Variants in PECAM1 observed in about 807,000 individuals in gnomAD.
PECAM1 encodes platelet and endothelial cell adhesion molecule 1, also known as platelet endothelial cell adhesion molecule.
A neutral mutation model predicts 13.8 loss-of-function variants in PECAM1; 8 were observed. That is an observed-to-expected ratio of 0.58 (90% CI 0.34 to 1.05). The LOEUF is 1.05. PECAM1 is among the 50% of genes least tolerant of loss of function. PECAM1 has a pLI of 0.03. For synonymous variants in PECAM1, 136 were observed against 52.6 expected (o/e 2.58, Z -6.86); for missense variants, 304 against 141.2 (o/e 2.15, Z -5.84).
rs2035746676 is a variant in PECAM1, at chr17:64,352,401, T to C, written c.1979A>G (p.Asn660Ser). The C allele has an allele frequency of 4.2e-6, 2 of 475,158 alleles. No individual in the cohort carries two copies. The highest frequency in any genetic ancestry group is 7.7e-6 in the Non-Finnish European group (2 of 259,008). 29.4% of individuals were successfully genotyped at this position (475,158 alleles called of 1,614,324 possible). A position where few individuals can be genotyped will look rare whatever the true frequency, so the allele number is the denominator to read the frequency against. Residue 660 changes from asparagine to serine, a missense_variant, in exon 11 of 16, where the codon AAC becomes AGC. By Grantham distance (46) the Asn-to-Ser change is conservative. Coordinates refer to ENST00000563924, the MANE Select transcript of PECAM1 (RefSeq NM_000442.5). ...EKMSDPNMEA[N>S]SHYGHNDDVR... ...GAACATGACTTTACCGTAATGACTG[T>C]TAGCTTCCATATTGGGATCTGACAT... is the stretch of plus-strand genomic sequence containing the variant.
At chr17:64,374,186 C>A (rs2036304804) in intron 4 of PECAM1, among the ~76,000 whole-genome samples, 1 of 152,138 alleles carries the variant, frequency 6.6e-6, no homozygotes, top group Admixed American at 6.6e-5. Flanking sequence ...TGTGTCATGG[C>A]CAGTGTTTAA....
At chr17:64,352,304 C>T in intron 11 of PECAM1, 86 bp downstream of exon 11, 2 of 435,594 alleles carry the variant, frequency 4.6e-6, no homozygotes, top group East Asian at 6.6e-5. Context: ...GTAATCCCAC[C>T]ACTTACATAT....
chr17:64,329,779 C>T lies in PECAM1; in HGVS notation c.2165-57G>A, dbSNP rs5005692. The T allele has an allele frequency of 0.024, 17,733 of 744,190 alleles. 2,204 individuals are homozygous for T. The African/African-American group carries it at 0.27, about 11-fold the overall frequency. 46.1% of individuals were successfully genotyped at this position (744,190 alleles called of 1,614,324 possible). On this transcript the variant is annotated intron_variant, in intron 14 of 15. Coordinates refer to ENST00000563924, the MANE Select transcript of PECAM1 (RefSeq NM_000442.5). ...AACGCAAATAACCCAGTTCAACTGC[C>T]CCAACAACATCACAGGGTCAGGAGC...
intron 7 of PECAM1, among the ~76,000 whole-genome samples, chr17:64,358,111 CTTTTTTTTTT>C (rs141671796): frequency 4.2e-5 from 3 of 71,552 alleles, no homozygotes; most frequent in South Asian, 1.5e-3. Context: ...TGGCCACAGT[CTTTTTTTTTT>C]TTTTTTTTTT....
rs1331206301 is a variant in PECAM1, at chr17:64,338,915, T to A, written c.2164+2719A>T. Among the ~76,000 whole-genome samples, 4 of 152,210 alleles carry A rather than the reference T, an allele frequency of 2.6e-5. No individual in the cohort carries two copies. In the East Asian group the frequency reaches 7.7e-4, roughly 29 times the overall value. Reference sequence around the variant, plus strand: ...ACCCCTTTGAGTTACTCATCATTGATGTTTCTCCTGTGTGATTTGCGTTAT... The same window carrying A: ...ACCCCTTTGAGTTACTCATCATTGAAGTTTCTCCTGTGTGATTTGCGTTAT... On this transcript the variant is annotated intron_variant, in intron 14 of 15. Transcript: ENST00000563924.
At chr17:64,369,055 G>A (rs1414842095) in intron 5 of PECAM1, among the ~76,000 whole-genome samples, 2 of 143,620 alleles carry the variant, frequency 1.4e-5, no homozygotes, top group African/African-American at 2.5e-5. Flanking sequence ...TTGTGCCTCA[G>A]CCTCCCGAGT....
At chr17:64,344,858 C>T (rs1033795838) in intron 13 of PECAM1, among the ~76,000 whole-genome samples, 48 of 152,178 alleles carry the variant, frequency 3.2e-4, no homozygotes, top group African/African-American at 9.6e-4. Context: ...ACCCTCTTTA[C>T]GGGTCTACCT....
At chr17:64,358,800 A>AT (rs1196401910) in intron 7 of PECAM1, among the ~76,000 whole-genome samples, 5,234 of 144,248 alleles carry the variant, frequency 0.036, 202 homozygotes, top group African/African-American at 0.099. Flanking sequence ...GTTAATGTTA[A>AT]TTTTTTTTTT....
chr17:64,332,923 C>T (rs1223316259), intron 14 of PECAM1, among the ~76,000 whole-genome samples: 1 of 152,124 alleles, frequency 6.6e-6, no homozygotes, highest in South Asian at 2.1e-4. Flanking sequence ...GAGACCAAGG[C>T]CGGTGGATCA....
rs963986944 is a variant in PECAM1, at chr17:64,356,266, C to T, written c.1625G>A (p.Gly542Asp). ...TGAGGTCATTTGATAGAAGGGTTTGCCCTCTTTTTCTCTGTAAAACTTATA... is the reference window on the plus strand; with the variant it reads ...TGAGGTCATTTGATAGAAGGGTTTGTCCTCTTTTTCTCTGTAAAACTTATA... The part of the protein sequence containing the change: ...ITYKFYREKE[G>D]KPFYQMTSNA... The change falls in exon 8 of 16, where the codon GGC becomes GAC. Residue 542 changes from glycine to aspartate, a missense_variant. Transcript: ENST00000563924. 1.7e-5 allele frequency: 8 copies of T among 474,778 alleles called. No homozygotes were observed. The highest frequency in any genetic ancestry group is 3.1e-5 in the East Asian group (1 of 32,012). 29.4% of individuals were successfully genotyped at this position (474,778 alleles called of 1,614,324 possible).
At chr17:64,328,978 A>G (rs1458784861) in intron 15 of PECAM1, among the ~76,000 whole-genome samples, 3 of 152,046 alleles carry the variant, frequency 2.0e-5, no homozygotes, top group Non-Finnish European at 2.9e-5. Context: ...AGGCATGTAA[A>G]TCCTTTGGAT....
intron 9 of PECAM1, 59 bp downstream of exon 9, chr17:64,354,874 C>G (rs2035813502): frequency 2.1e-6 from 1 of 472,756 alleles, no homozygotes; most frequent in Non-Finnish European, 3.9e-6. Context: ...ACCACGCATC[C>G]CTGGCTGGTT....
Position 64,322,017 on chromosome 17 carries a change from G to A in PECAM1, c.*1799C>T, listed in dbSNP as rs1426653118. 2.5e-6 allele frequency: 3 copies of A among 1,221,338 alleles called. No homozygotes were observed. The South Asian group carries it at 4.2e-5, about 17-fold the overall frequency. The allele number at this position is 1,221,338 out of a possible 1,614,324, so 75.7% of individuals were successfully genotyped here. A position where few individuals can be genotyped will look rare whatever the true frequency, so the allele number is the denominator to read the frequency against. ...AACCTGGAAATTGTATGACATTTTCGTGATACAACTCGGTGTGTGTGTGTT... is the reference window on the plus strand; with the variant it reads ...AACCTGGAAATTGTATGACATTTTCATGATACAACTCGGTGTGTGTGTGTT... On this transcript the variant is annotated 3_prime_UTR_variant, in exon 16 of 16. Coordinates refer to ENST00000563924, the MANE Select transcript of PECAM1 (RefSeq NM_000442.5).
intron 2 of PECAM1, among the ~76,000 whole-genome samples, chr17:64,388,181 G>A (rs2036639569): frequency 6.6e-6 from 1 of 152,140 alleles, no homozygotes; most frequent in Non-Finnish European, 1.5e-5. Context: ...ACTTCCATGT[G>A]GTGTGGAGGG....
chr17:64,375,354 C>T lies in PECAM1; in HGVS notation c.388G>A (p.Val130Met). 2.1e-6 allele frequency: 1 copy of T among 468,412 alleles called. No individual in the cohort carries two copies. 29.0% of individuals were successfully genotyped at this position (468,412 alleles called of 1,614,324 possible). A position where few individuals can be genotyped will look rare whatever the true frequency, so the allele number is the denominator to read the frequency against. ...TAEYQVLVEGVPSPRVTLDKK... is the reference protein window; with the variant it reads ...TAEYQVLVEGMPSPRVTLDKK... ...TCCAGTGTCACCCTGGGACTGGGCA[C>T]TCCTACGGGGAAAGAGAAAGTCTGT... Residue 130 changes from valine to methionine, a missense_variant and splice_region_variant, in exon 4 of 16, where the codon GTG becomes ATG. Coordinates refer to ENST00000563924, the MANE Select transcript of PECAM1 (RefSeq NM_000442.5).
chr17:64,381,688 G>A (rs938456954), intron 2 of PECAM1, among the ~76,000 whole-genome samples: 7 of 152,170 alleles, frequency 4.6e-5, no homozygotes, highest in Admixed American at 1.3e-4. Context: ...ACAAGGTGAC[G>A]GTTTAAATTC....
Position 64,341,615 on chromosome 17 carries a change from A to G in PECAM1, c.2164+19T>C, listed in dbSNP as rs2143732864. Reference sequence around the variant, plus strand: ...TAGGGGGCATCCCCCAGGCTGGGGCACTGGAGACCCTCACTCACCAGGGAC... The same window carrying G: ...TAGGGGGCATCCCCCAGGCTGGGGCGCTGGAGACCCTCACTCACCAGGGAC... On this transcript the variant is annotated intron_variant, in intron 14 of 15. Transcript: ENST00000563924. 13 of 447,014 alleles carry G rather than the reference A, an allele frequency of 2.9e-5. No individual in the cohort carries two copies. In the East Asian group the frequency reaches 4.2e-4, roughly 15 times the overall value. 27.7% of individuals were successfully genotyped at this position (447,014 alleles called of 1,614,324 possible). A position where few individuals can be genotyped will look rare whatever the true frequency, so the allele number is the denominator to read the frequency against.
At chr17:64,333,933 G>C (rs1347313875) in intron 14 of PECAM1, among the ~76,000 whole-genome samples, 2 of 95,434 alleles carry the variant, frequency 2.1e-5, no homozygotes, top group Non-Finnish European at 3.9e-5. Context: ...GACAGAGAGA[G>C]ACCCTGTCTC....
At chr17:64,379,492 C>A (rs995175554) in intron 2 of PECAM1, among the ~76,000 whole-genome samples, 103 of 152,280 alleles carry the variant, frequency 6.8e-4, no homozygotes, top group Admixed American at 2.0e-4. Context: ...AACTTCAGAG[C>A]AGACCAGGGT....
Sources: allele counts gnomAD v4.1 joint callset (sites outside exome capture counted in the v4.1 genomes callset), GRCh38; gene constraint gnomAD v4.1.1; transcripts MANE v1.5; gene names NCBI Gene and HGNC (gene_info 2026-07-23, HGNC 2026-07-21).